The following PKHD1L1 variants were observed in gnomAD, a reference collection of about 807,000 sequenced individuals.
PKHD1L1 encodes PKHD1 like 1.
Under a neutral mutation model 462.9 loss-of-function variants are expected in PKHD1L1, and 434 were observed. The observed-to-expected ratio is 0.94, with a 90% CI of 0.87 to 1.02. PKHD1L1 has a LOEUF of 1.02. Among genes scored for constraint, PKHD1L1 ranks in the 50% least tolerant of loss-of-function variants. The pLI is 0.00. For synonymous variants in PKHD1L1, 1,781 were observed against 1,750.0 expected, an observed-to-expected ratio of 1.02 and a Z score of -0.44; for missense variants, 5,202 against 5,096.1, an observed-to-expected ratio of 1.02 and a Z score of -0.63.
In PKHD1L1 at chr8:109,393,556, T is replaced by C. The variant is rs116002591; in HGVS notation, c.741-859T>C. ...AATTTGCTGTCATCCATTTGCAGTGTCACACACATTAGTGGGCAGAGGAGT... is the reference window on the plus strand; with the variant it reads ...AATTTGCTGTCATCCATTTGCAGTGCCACACACATTAGTGGGCAGAGGAGT... On this transcript the variant is annotated intron_variant, in intron 9 of 77. Transcript: ENST00000378402. Among the ~76,000 whole-genome samples, 684 of 152,286 alleles carry C rather than the reference T, an allele frequency of 4.5e-3. 6 individuals carry two copies. Among genetic ancestry groups the C allele is most frequent in the African/African-American group, 0.015 (638 of 41,548 alleles).
At chr8:109,469,496 A>G (rs1563580013) in intron 50 of PKHD1L1, among the ~76,000 whole-genome samples, 1 of 152,014 alleles carries the variant, frequency 6.6e-6, no homozygotes. Flanking sequence ...TGTGTTTCTT[A>G]CTGTCTAAAC....
At chr8:109,376,524 C>A (rs1249212389) in intron 2 of PKHD1L1, among the ~76,000 whole-genome samples, 1 of 152,158 alleles carries the variant, frequency 6.6e-6, no homozygotes, top group Non-Finnish European at 1.5e-5. Context: ...CACTGTCCGG[C>A]ACTCCCCAGT....
At chr8:109,499,108 C>T (rs1287110486) in intron 67 of PKHD1L1, 1 of 201,184 alleles carries the variant, frequency 5.0e-6, no homozygotes, top group East Asian at 1.3e-4. Context: ...AATTGAAGAA[C>T]CTTAAGCTCA....
chr8:109,505,012 T>C (rs1443101982), intron 68 of PKHD1L1, among the ~76,000 whole-genome samples: 2 of 152,158 alleles, frequency 1.3e-5, no homozygotes, highest in Admixed American at 1.3e-4. Flanking sequence ...CAGCTGAGAC[T>C]ACAAGCACAA....
chr8:109,368,981 A>AT (rs1334024389), intron 2 of PKHD1L1, among the ~76,000 whole-genome samples: 3 of 151,160 alleles, frequency 2.0e-5, no homozygotes, highest in African/African-American at 7.3e-5. Context: ...TTAGAATTAC[A>AT]TATTTTTTTT....
In PKHD1L1 at chr8:109,448,290, G is replaced by A. The variant is rs1301500857; in HGVS notation, c.5924G>A (p.Gly1975Asp). 1 of 1,613,352 alleles carries A rather than the reference G, an allele frequency of 6.2e-7. No homozygotes were observed. The highest frequency in any genetic ancestry group is 8.5e-7 in the Non-Finnish European group (1 of 1,179,764). The change falls in exon 39 of 78, where the codon GGC (glycine) becomes GAC (aspartate). Residue 1975 changes from glycine (G) to aspartate (D), a missense_variant. Physicochemically the swap from Gly to Asp is moderately conservative, Grantham distance 94. Around this residue, in one of 3 missense-constraint regions of PKHD1L1, gnomAD observed 4,497 missense variants for 4,336.8 expected, o/e 1.04. Transcript: ENST00000378402. ...VQCIVGDHAGGTFPVMMHHKT... is the reference protein window; with the variant it reads ...VQCIVGDHAGDTFPVMMHHKT... ...TGCATCGTGGGAGATCATGCTGGGGGCACATTTCCTGTTATGATGCATCAT... is the reference window on the plus strand; with the variant it reads ...TGCATCGTGGGAGATCATGCTGGGGACACATTTCCTGTTATGATGCATCAT...
chr8:109,376,465 C>T lies in PKHD1L1; in HGVS notation c.164-4905C>T, dbSNP rs557173101. 5.9e-5 allele frequency among the ~76,000 whole-genome samples: 9 copies of T among 152,286 alleles called. No individual in the cohort carries two copies. In the South Asian group the frequency reaches 1.0e-3, roughly 18 times the overall value. On this transcript the variant is annotated intron_variant, in intron 2 of 77. Transcript: ENST00000378402. ...GTGCTTCCCGGGTGAGGTGATGCCT[C>T]GCCCTGCTTCGGCTCACTCACAGTG...
At chr8:109,371,341 T>G (rs1396685872) in intron 2 of PKHD1L1, among the ~76,000 whole-genome samples, 1 of 152,186 alleles carries the variant, frequency 6.6e-6, no homozygotes, top group Non-Finnish European at 1.5e-5. Flanking sequence ...GCCCACTTTT[T>G]GATGGGGTTG....
rs763295862 is a variant in PKHD1L1, at chr8:109,486,777, G to A, written c.9836G>A (p.Arg3279His). 34 of 1,612,326 alleles carry A rather than the reference G, an allele frequency of 2.1e-5. No individual in the cohort carries two copies. Among genetic ancestry groups the A allele is most frequent in the African/African-American group, 4.0e-5 (3 of 74,868 alleles). Residue 3279 changes from arginine (R) to histidine (H), a missense_variant, in exon 59 of 78, where the codon CGC becomes CAC. This residue lies in a region of PKHD1L1 where 4,497 missense variants were observed against 4,336.8 expected (regional missense o/e 1.04). Transcript: ENST00000378402. ...PGWSEDSFGA[R>H]VLVGSFTENM... ...TGGTCTGAGGACTCTTTTGGAGCAC[G>A]CGTACTGGTTGGCTCATTCACTGAA... is the stretch of plus-strand genomic sequence containing the variant.
chr8:109,412,604 C>A (rs1236406318), intron 20 of PKHD1L1, among the ~76,000 whole-genome samples, 190 bp downstream of exon 20: 4 of 151,470 alleles, frequency 2.6e-5, no homozygotes, highest in Admixed American at 6.6e-5. Context: ...TAGATATATT[C>A]TATATATATA....
In PKHD1L1 at chr8:109,515,784, T is replaced by C. The variant is rs1390225591; in HGVS notation, c.11689+479T>C. Among the ~76,000 whole-genome samples the C allele has an allele frequency of 2.0e-5, 3 of 152,160 alleles. No homozygotes were observed. The East Asian group carries it at 5.8e-4, about 29-fold the overall frequency. The stretch of plus-strand genomic sequence containing the variant: ...AAATAAACTTGTGTTAAATGAAACA[T>C]GTGGAAGAGGCTAAACTTATTCATT... On this transcript the variant is annotated intron_variant, in intron 72 of 77. Transcript: ENST00000378402.
At chr8:109,385,454 G>A in intron 5 of PKHD1L1, 83 bp from the exon 6 acceptor site, 1 of 858,868 alleles carries the variant, frequency 1.2e-6, no homozygotes, top group East Asian at 2.7e-5. Context: ...GGTTTTATTG[G>A]GAAAATCTCT....
Position 109,459,802 on chromosome 8 carries a change from C to G in PKHD1L1, c.7212C>G (p.Asn2404Lys). 6.2e-7 allele frequency: 1 copy of G among 1,611,348 alleles called. No homozygotes were observed. The highest frequency in any genetic ancestry group is 8.5e-7 in the Non-Finnish European group (1 of 1,178,484). Reference sequence around the variant, plus strand: ...GATCTGATAATGTTGAGTGGAATAACAAAATTCCTGCATGTCCTGATGGAT... The same window carrying G: ...GATCTGATAATGTTGAGTGGAATAAGAAAATTCCTGCATGTCCTGATGGAT... ...IRGSDNVEWN[N>K]KIPACPDGFD... The change falls in exon 47 of 78, where the codon AAC becomes AAG. Residue 2404 changes from asparagine (N) to lysine (K), a missense_variant. Physicochemically the swap from Asn to Lys is moderately conservative, Grantham distance 94. Transcript: ENST00000378402.
chr8:109,462,110 C>T, intron 48 of PKHD1L1, among the ~76,000 whole-genome samples: 1 of 152,142 alleles, frequency 6.6e-6, no homozygotes, highest in East Asian at 1.9e-4. Flanking sequence ...TCGAATTAAT[C>T]AGCATTTCTA....
intron 47 of PKHD1L1, among the ~76,000 whole-genome samples, chr8:109,461,027 C>T (rs527872577): frequency 6.6e-6 from 1 of 152,208 alleles, no homozygotes; most frequent in African/African-American, 2.4e-5. Flanking sequence ...TAGTGCAAAA[C>T]CCATATACCC....
chr8:109,381,592 G>A (rs746216788), intron 3 of PKHD1L1, 78 bp downstream of exon 3: 3 of 1,065,806 alleles, frequency 2.8e-6, no homozygotes, highest in Non-Finnish European at 3.9e-6. Flanking sequence ...TATTATAATA[G>A]TTTTATTACC....
chr8:109,476,815 T>G (rs1412863975), intron 52 of PKHD1L1, 148 bp downstream of exon 52: 1 of 712,332 alleles, frequency 1.4e-6, no homozygotes, highest in Non-Finnish European at 2.1e-6. Context: ...GGAGACAAAA[T>G]TTATTCTTGA....
rs79197701 is a variant in PKHD1L1 at position 109,535,776 on chromosome 8, A to T, written c.*5686A>T. ...GAAAATAGTAAAATACAAAAGACTA[A>T]GTTAGCAGATCATTTTGATATCCAG... On this transcript the variant is annotated 3_prime_UTR_variant, in exon 78 of 78. Transcript: ENST00000378402. 0.028 allele frequency among the ~76,000 whole-genome samples: 4,210 copies of T among 152,326 alleles called. 193 individuals are homozygous for T. The highest frequency in any genetic ancestry group is 0.097 in the African/African-American group (4,017 of 41,564).
In PKHD1L1 at chr8:109,448,119, T is replaced by C. The variant is rs547138805; in HGVS notation, c.5777-24T>C. ...GTATTAATAGTTAGATATATTTATA[T>C]TGTGTGCTTTTTTTTTTTTTAAGGT... On this transcript the variant is annotated intron_variant, in intron 38 of 77. Coordinates refer to ENST00000378402, the MANE Select transcript of PKHD1L1 (RefSeq NM_177531.6). 5.8e-6 allele frequency: 9 copies of C among 1,554,362 alleles called. No individual in the cohort carries two copies. In the East Asian group the frequency reaches 1.6e-4, roughly 28 times the overall value.
Sources: allele counts gnomAD v4.1 joint callset (sites outside exome capture counted in the v4.1 genomes callset), GRCh38; gene constraint gnomAD v4.1.1; regional missense constraint gnomAD v4.1.1; transcripts MANE v1.5; gene names NCBI Gene and HGNC (gene_info 2026-07-23, HGNC 2026-07-21).